The following PIWIL1 variants were observed in gnomAD, a reference collection of about 807,000 sequenced individuals.
PIWIL1 encodes piwi like RNA-mediated gene silencing 1.
In PIWIL1, 73 loss-of-function variants were observed where a neutral mutation model predicts 114.4. The observed-to-expected ratio is 0.64, with a 90% CI of 0.53 to 0.78. The LOEUF (loss-of-function observed/expected upper bound fraction) is 0.78, where lower values mean the gene tolerates loss of function less well. Among genes scored for constraint, PIWIL1 ranks in the 30% least tolerant of loss-of-function variants. The pLI, the probability that PIWIL1 is intolerant of heterozygous loss-of-function variation, is 0.00. For synonymous variants in PIWIL1, 375 were observed against 369.0 expected (o/e 1.02, Z -0.19); for missense variants, 723 against 1,063.1 (o/e 0.68, Z 4.45).
chr12:130,403,518 T>C, the PIWIL1 span, among the ~76,000 whole-genome samples: 1 of 152,188 alleles, frequency 6.6e-6, no homozygotes, highest in South Asian at 2.1e-4. Flanking sequence ...TCTGAAGATA[T>C]GTAGATTGTT....
the PIWIL1 span, among the ~76,000 whole-genome samples, chr12:130,384,535 G>A: frequency 1.3e-5 from 2 of 152,218 alleles, no homozygotes; most frequent in African/African-American, 4.8e-5. Context: ...ACAAGAACAT[G>A]TTAATGACAT....
At chr12:130,410,602 T>A in the PIWIL1 span, among the ~76,000 whole-genome samples, 1 of 152,186 alleles carries the variant, frequency 6.6e-6, no homozygotes, top group Admixed American at 6.5e-5. Flanking sequence ...TCAGCACCAA[T>A]GATTGAAAAG....
At chr12:130,389,913 T>TA in the PIWIL1 span, among the ~76,000 whole-genome samples, 1 of 152,222 alleles carries the variant, frequency 6.6e-6, no homozygotes, top group Non-Finnish European at 1.5e-5. Flanking sequence ...TCTCTCTCTC[T>TA]ATAGCTGATA....
the PIWIL1 span, among the ~76,000 whole-genome samples, chr12:130,381,488 T>C: frequency 6.6e-6 from 1 of 152,252 alleles, no homozygotes; most frequent in Non-Finnish European, 1.5e-5. Flanking sequence ...TCCGTGTCTT[T>C]GTGGCTCATT....
the PIWIL1 span, chr12:130,414,526 T>A: frequency 2.3e-6 from 1 of 426,698 alleles, no homozygotes; most frequent in Non-Finnish European, 4.2e-6. Flanking sequence ...CCACACTGCA[T>A]GTGAAAGCAT....
intron 13 of PIWIL1, 42 bp downstream of exon 13, chr12:130,357,147 A>T: frequency 1.1e-5 from 16 of 1,472,600 alleles, no homozygotes; most frequent in East Asian, 2.3e-5. Context: ...ATTGCTTGGC[A>T]GTCATTTGGA....
chr12:130,341,927 A>G (rs1229315995), intron 1 of PIWIL1, among the ~76,000 whole-genome samples: 3 of 152,264 alleles, frequency 2.0e-5, no homozygotes, highest in Non-Finnish European at 4.4e-5. Flanking sequence ...GAAATAAAGG[A>G]GTGGTTTTGA....
the PIWIL1 span, among the ~76,000 whole-genome samples, chr12:130,390,108 C>G: frequency 1.3e-5 from 2 of 152,146 alleles, no homozygotes; most frequent in Non-Finnish European, 2.9e-5. Context: ...ATTGTTCAAT[C>G]TAATCAGCAC....
chr12:130,369,057 C>T (rs567204798), intron 19 of PIWIL1, among the ~76,000 whole-genome samples: 21 of 152,074 alleles, frequency 1.4e-4, no homozygotes, highest in Non-Finnish European at 2.8e-4. Context: ...TCCTCCTTAC[C>T]CCCCAACAGG....
the PIWIL1 span, among the ~76,000 whole-genome samples, chr12:130,415,980 A>ACACACACACACAC: frequency 6.7e-6 from 1 of 149,326 alleles, no homozygotes; most frequent in African/African-American, 2.5e-5. Flanking sequence ...CACACACACA[A>ACACACACACACAC]AATATACAGA....
the PIWIL1 span, among the ~76,000 whole-genome samples, chr12:130,395,189 C>T: frequency 1.3e-5 from 2 of 152,190 alleles, no homozygotes; most frequent in Non-Finnish European, 2.9e-5. Flanking sequence ...CACTTTTAGA[C>T]TAACCTGTGA....
intron 9 of PIWIL1, 136 bp from the exon 10 acceptor site, chr12:130,354,401 C>T (rs1026499265): frequency 1.8e-6 from 2 of 1,133,302 alleles, no homozygotes; most frequent in South Asian, 1.5e-5. Flanking sequence ...CTTTTTAAAA[C>T]TTTACTCTGA....
chr12:130,342,660 C>T lies in PIWIL1; in HGVS notation c.69C>T (p.Gly23=), dbSNP rs769286630. 6.2e-6 allele frequency: 10 copies of T among 1,611,902 alleles called. No individual in the cohort carries two copies. The highest frequency in any genetic ancestry group is 8.5e-6 in the Non-Finnish European group (10 of 1,178,130). The change falls in exon 2 of 21, where the codon GGC becomes GGT. Residue 23 remains glycine (G), a synonymous_variant. Transcript: ENST00000245255. ...GTCAGGAGACAGCGCAGCTGGTGGG[C>T]TCCACTGCCGTGAGTGCTTCACCGT... is the stretch of plus-strand genomic sequence containing the variant. ...ARGQETAQLV[G]STASQQPGYI...
At chr12:130,349,792 T>C in intron 8 of PIWIL1, 64 bp from the exon 9 acceptor site, 1 of 935,978 alleles carries the variant, frequency 1.1e-6, no homozygotes, top group Admixed American at 2.3e-5. Context: ...CTGTCTAGTC[T>C]CTCTTTTTAA....
chr12:130,416,056 C>T, the PIWIL1 span, among the ~76,000 whole-genome samples: 22 of 152,082 alleles, frequency 1.4e-4, no homozygotes, highest in Non-Finnish European at 2.5e-4. Flanking sequence ...ACAAGGAGAA[C>T]GACAGAACAC....
chr12:130,412,042 G>T, the PIWIL1 span, among the ~76,000 whole-genome samples: 1 of 152,050 alleles, frequency 6.6e-6, no homozygotes, highest in South Asian at 2.1e-4. Flanking sequence ...TGAGGACATT[G>T]TTATTGCACG....
At chr12:130,386,355 C>T in the PIWIL1 span, among the ~76,000 whole-genome samples, 5 of 152,046 alleles carry the variant, frequency 3.3e-5, no homozygotes, top group Non-Finnish European at 7.4e-5. Context: ...GAGCCCATCT[C>T]CCAATCCTGG....
intron 6 of PIWIL1, 101 bp downstream of exon 6, chr12:130,347,163 T>C (rs996470026): frequency 1.4e-5 from 12 of 852,288 alleles, no homozygotes; most frequent in East Asian, 9.9e-5. Context: ...CAGCATTGGT[T>C]GGGATTATTG....
rs553122713 is a variant in PIWIL1 at position 130,371,810 on chromosome 12, C to T, written c.*212C>T. ...TTTTATATTTTATCTTCTTGTTTCT[C>T]ATAGATATTTTGTGAGCATTTTTTT... is the stretch of plus-strand genomic sequence containing the variant. On this transcript the variant is annotated 3_prime_UTR_variant, in exon 21 of 21. Transcript: ENST00000245255. 2.1e-4 allele frequency: 69 copies of T among 325,142 alleles called. No individual in the cohort carries two copies. Among genetic ancestry groups the T allele is most frequent in the Non-Finnish European group, 3.6e-4 (65 of 179,678 alleles). The allele number at this position is 325,142 out of a possible 1,614,324, so 20.1% of individuals were successfully genotyped here. A position where few individuals can be genotyped will look rare whatever the true frequency, so the allele number is the denominator to read the frequency against.
Sources: allele counts gnomAD v4.1 joint callset (sites outside exome capture counted in the v4.1 genomes callset), GRCh38; gene constraint gnomAD v4.1.1; transcripts MANE v1.5; gene names NCBI Gene and HGNC (gene_info 2026-07-23, HGNC 2026-07-21).